The following DRAM1 variants were observed in gnomAD, a reference collection of about 807,000 sequenced individuals.
DRAM1 encodes DNA damage-regulated autophagy modulator protein 1.
In DRAM1, 25 loss-of-function variants were observed where a neutral mutation model predicts 28.5. The ratio of observed to expected loss-of-function variants is 0.88; its 90% CI spans 0.64 to 1.23. The LOEUF is 1.23. Ranked by LOEUF, DRAM1 falls within the 50% of genes most tolerant of loss-of-function variation. DRAM1 has a pLI of 0.00. For missense variants in DRAM1, 249 were observed against 299.2 expected, an observed-to-expected ratio of 0.83 and a Z score of 1.24; for synonymous variants, 113 against 114.2, an observed-to-expected ratio of 0.99 and a Z score of 0.07.
chr12:101,917,459 G>A (rs1874290980), intron 5 of DRAM1, among the ~76,000 whole-genome samples: 2 of 152,120 alleles, frequency 1.3e-5, no homozygotes, highest in Admixed American at 6.5e-5. Flanking sequence ...AGGCCAAGGC[G>A]GGTGGATCAC....
chr12:101,892,275 G>A lies in DRAM1; in HGVS notation c.132-5588G>A, dbSNP rs533534190. On this transcript the variant is annotated intron_variant, in intron 1 of 6. Coordinates refer to ENST00000258534, the MANE Select transcript of DRAM1 (RefSeq NM_018370.3). ...TTTTGAGACAGAGTCTTGCTGTGTC[G>A]CCCAGGCTGGTATGCAGTGGTGCGA... 6.0e-5 allele frequency among the ~76,000 whole-genome samples: 9 copies of A among 150,396 alleles called. No homozygotes were observed. The South Asian group carries it at 6.3e-4, about 11-fold the overall frequency.
At position 101,913,762 on chromosome 12, in the gene DRAM1, T is replaced by C. The variant is rs116295566; in HGVS notation, c.521-412T>C. On this transcript the variant is annotated intron_variant, in intron 4 of 6. Coordinates refer to ENST00000258534, the MANE Select transcript of DRAM1 (RefSeq NM_018370.3). ...AAATAGTATTTTAGGGAAAAAGTAT[T>C]TTTATTCAGTGGGAAGTATTCAAAA... is the stretch of plus-strand genomic sequence containing the variant. 9.1e-3 allele frequency among the ~76,000 whole-genome samples: 1,385 copies of C among 151,480 alleles called. 18 individuals are homozygous for C. Among genetic ancestry groups the C allele is most frequent in the African/African-American group, 0.032 (1,334 of 41,258 alleles).
At chr12:101,920,293 C>CTTTAT in intron 6 of DRAM1, 92 bp downstream of exon 6, 2 of 262,182 alleles carry the variant, frequency 7.6e-6, no homozygotes, top group Admixed American at 1.9e-4. Flanking sequence ...AAAAAGAGCA[C>CTTTAT]TTTCTTTTTT....
At chr12:101,900,681 C>A (rs1873566470) in intron 2 of DRAM1, among the ~76,000 whole-genome samples, 2 of 152,204 alleles carry the variant, frequency 1.3e-5, no homozygotes, top group South Asian at 2.1e-4. Context: ...AGGGCATACA[C>A]AATTGCTCGC....
At chr12:101,910,479 G>GTTT (rs772877223) in intron 4 of DRAM1, among the ~76,000 whole-genome samples, 30 of 139,294 alleles carry the variant, frequency 2.2e-4, no homozygotes, top group South Asian at 1.1e-3. Flanking sequence ...TTTCTAGAAA[G>GTTT]TTTTTTTTTT....
chr12:101,914,259 G>T, intron 5 of DRAM1, 27 bp downstream of exon 5: 1 of 1,582,330 alleles, frequency 6.3e-7, no homozygotes, highest in Non-Finnish European at 8.6e-7. Flanking sequence ...TGTGAATGTG[G>T]TTGTCGGACG....
In DRAM1 at chr12:101,877,901, C is replaced by A. The variant is rs199653726; in HGVS notation, c.112C>A (p.Pro38Thr). The change falls in exon 1 of 7, where the codon CCC becomes ACC. Residue 38 changes from proline to threonine, a missense_variant. Physicochemically the swap from Pro to Thr is conservative, Grantham distance 38. This residue lies in a region of DRAM1 where 218 missense variants were observed against 243.1 expected (regional missense o/e 0.90). Transcript: ENST00000258534. This position sits in a 1 kb window ranked among gnomAD's most constrained non-coding sequence, Gnocchi z 4.1. ...CGCCGTGCTCTCCGGGCACGTCAACCCCTTCCTCCCGTATATCAGGTGAGT... is the reference window on the plus strand; with the variant it reads ...CGCCGTGCTCTCCGGGCACGTCAACACCTTCCTCCCGTATATCAGGTGAGT... ...VVAVLSGHVN[P>T]FLPYISDTGT... The A allele has an allele frequency of 3.2e-6, 5 of 1,538,480 alleles. No individual in the cohort carries two copies. Among genetic ancestry groups the A allele is most frequent in the Admixed American group, 4.0e-5 (2 of 50,254 alleles).
At chr12:101,917,751 A>G (rs531463083) in intron 5 of DRAM1, among the ~76,000 whole-genome samples, 2 of 149,678 alleles carry the variant, frequency 1.3e-5, no homozygotes, top group Non-Finnish European at 2.9e-5. Context: ...CAAATTCGTC[A>G]ATAGGTTAGA....
At chr12:101,897,407 G>GC (rs1327773926) in intron 1 of DRAM1, among the ~76,000 whole-genome samples, 1 of 151,770 alleles carries the variant, frequency 6.6e-6, no homozygotes, top group African/African-American at 2.4e-5. Flanking sequence ...TACCATGTTG[G>GC]CCAGGCTGGT....
At chr12:101,918,827 C>G (rs1304244205) in intron 5 of DRAM1, among the ~76,000 whole-genome samples, 1 of 152,122 alleles carries the variant, frequency 6.6e-6, no homozygotes, top group Non-Finnish European at 1.5e-5. Context: ...AGAGGGGGCA[C>G]ACTGACAGTC....
At chr12:101,898,896 G>A (rs975243833) in intron 2 of DRAM1, among the ~76,000 whole-genome samples, 5 of 152,176 alleles carry the variant, frequency 3.3e-5, no homozygotes, top group Non-Finnish European at 7.3e-5. Flanking sequence ...TTAATGTAAT[G>A]CATATTAATT....
intron 1 of DRAM1, among the ~76,000 whole-genome samples, chr12:101,891,833 A>G (rs1873137793): frequency 6.6e-6 from 1 of 152,214 alleles, no homozygotes; most frequent in African/African-American, 2.4e-5. Flanking sequence ...ATGATGTGGT[A>G]GGAGCTGGGT....
At position 101,895,186 on chromosome 12, in the gene DRAM1, G is replaced by GTTTTTTTTTTTTTTTTTTTTTT. The variant is rs574722379; in HGVS notation, c.132-2668_132-2647dup. ...TAATGCTAAATTCGAAACCCTTCAG[G>GTTTTTTTTTTTTTTTTTTTTTT]TTTTTTTTTTTTTTTTTTTTTTTTT... is the stretch of plus-strand genomic sequence containing the variant. On this transcript the variant is annotated intron_variant, in intron 1 of 6. Coordinates refer to ENST00000258534, the MANE Select transcript of DRAM1 (RefSeq NM_018370.3). Among the ~76,000 whole-genome samples the GTTTTTTTTTTTTTTTTTTTTTT allele has an allele frequency of 4.2e-4, 32 of 75,734 alleles. 2 individuals carry two copies. The highest frequency in any genetic ancestry group is 1.3e-3 in the East Asian group (2 of 1,516). The allele number at this position is 75,734 out of a possible 152,430, so 49.7% of individuals were successfully genotyped here.
At chr12:101,909,151 C>T (rs1206726546) in intron 4 of DRAM1, among the ~76,000 whole-genome samples, 1 of 151,844 alleles carries the variant, frequency 6.6e-6, no homozygotes, top group Non-Finnish European at 1.5e-5. Flanking sequence ...ATCCCAGCTA[C>T]TTGGGAGGCT....
chr12:101,894,472 G>A (rs4764669), intron 1 of DRAM1, among the ~76,000 whole-genome samples: 77,700 of 151,620 alleles, frequency 0.51, 20,362 homozygotes, highest in East Asian at 0.63. Flanking sequence ...GACTGGTTTC[G>A]AACTCCTGAG....
Position 101,901,331 on chromosome 12 carries a change from G to A in DRAM1, c.240G>A (p.Lys80=), listed in dbSNP as rs769028397. The A allele has an allele frequency of 6.2e-7, 1 of 1,614,150 alleles. No homozygotes were observed. Among genetic ancestry groups the A allele is most frequent in the South Asian group, 1.1e-5 (1 of 91,086 alleles). The change falls in exon 3 of 7, where the codon AAG becomes AAA. Residue 80 remains lysine (K), a synonymous_variant. Transcript: ENST00000258534. ...TMYTRYKIVQ[K]QNQTCYFSTP... is the part of the protein sequence containing the mutation. ...ATACAAGATACAAAATAGTACAGAAGCAAAATCAAACCTGCTATTTCAGCA... is the reference window on the plus strand; with the variant it reads ...ATACAAGATACAAAATAGTACAGAAACAAAATCAAACCTGCTATTTCAGCA...
intron 1 of DRAM1, among the ~76,000 whole-genome samples, chr12:101,893,771 A>ATT (rs57069274): frequency 0.012 from 1,684 of 142,448 alleles, 26 homozygotes; most frequent in African/African-American, 0.041. Context: ...GATTAGGTCA[A>ATT]TTTTTTTTTT....
intron 2 of DRAM1, among the ~76,000 whole-genome samples, chr12:101,899,079 C>T (rs1448608403): frequency 3.3e-5 from 5 of 152,134 alleles, no homozygotes; most frequent in African/African-American, 1.2e-4. Flanking sequence ...TCTACTGGTA[C>T]AGTGTGAGAA....
intron 1 of DRAM1, among the ~76,000 whole-genome samples, chr12:101,887,747 C>G (rs1211436187): frequency 6.6e-6 from 1 of 152,092 alleles, no homozygotes; most frequent in South Asian, 2.1e-4. Context: ...CCATGTTGGC[C>G]AGGCTGGTCT....
Sources: gnomAD v4.1 joint callset for allele counts (sites outside exome capture counted in the v4.1 genomes callset) on GRCh38, gnomAD v4.1.1 for gene constraint, gnomAD v4.1.1 regional missense constraint, Gnocchi (gnomAD v3.1) non-coding constraint, MANE v1.5 for transcripts, NCBI Gene and HGNC (gene_info 2026-07-23, HGNC 2026-07-21) for gene names.